The following RTEL1 variants were observed in gnomAD, a reference collection of about 807,000 sequenced individuals.
The protein encoded by RTEL1 is regulator of telomere length.
Under a neutral mutation model 162.2 loss-of-function variants are expected in RTEL1, and 86 were observed. The observed-to-expected ratio is 0.53, with a 90% CI of 0.45 to 0.63. RTEL1 has a LOEUF of 0.63. Ranked by LOEUF, RTEL1 falls within the 30% of genes least tolerant of loss-of-function variation. RTEL1 has a pLI of 0.00. For synonymous variants in RTEL1, 958 were observed against 717.9 expected, an observed-to-expected ratio of 1.33 and a Z score of -5.35; for missense variants, 1,941 against 1,750.2, an observed-to-expected ratio of 1.11 and a Z score of -1.95.
Position 63,695,603 on chromosome 20 carries a change from G to A in RTEL1, c.3775G>A (p.Ala1259Thr), listed in dbSNP as rs775764375. The A allele has an allele frequency of 5.6e-6, 9 of 1,611,814 alleles. No individual in the cohort carries two copies. Among genetic ancestry groups the A allele is most frequent in the Non-Finnish European group, 5.9e-6 (7 of 1,179,914 alleles). ...GGACGTGGTGCCCTTCCAGTGCCCT[G>A]CCTGTGACTTCCAGCGCTGCCAAGC... Reference protein sequence around the residue: ...AEDVVPFQCPACDFQRCQACW... With the variant: ...AEDVVPFQCPTCDFQRCQACW... The change falls in exon 34 of 35, where the codon GCC (alanine) becomes ACC (threonine). Residue 1259 changes from alanine to threonine, a missense_variant. Ala to Thr is a moderately conservative substitution (Grantham distance 58). Transcript: ENST00000360203.
chr20:63,660,146 A>G (rs759330281), intron 2 of RTEL1, among the ~76,000 whole-genome samples: 3 of 152,194 alleles, frequency 2.0e-5, no homozygotes, highest in Non-Finnish European at 4.4e-5. Flanking sequence ...CAAATGTACA[A>G]TCGGGTTTTA....
At chr20:63,666,394 G>A (rs979184389) in intron 7 of RTEL1, among the ~76,000 whole-genome samples, 145 of 152,382 alleles carry the variant, frequency 9.5e-4, no homozygotes, top group African/African-American at 3.3e-3. Flanking sequence ...TTTTCACTCA[G>A]CGTTGTGGGT....
chr20:63,680,419 G>A, intron 13 of RTEL1, among the ~76,000 whole-genome samples: 1 of 152,212 alleles, frequency 6.6e-6, no homozygotes, highest in Admixed American at 6.5e-5. Context: ...CGACCATAGA[G>A]CCTCTTTTCA....
At chr20:63,693,462 T>TCCACCA (rs1555813373) in intron 30 of RTEL1, among the ~76,000 whole-genome samples, 179 bp downstream of exon 30, 2 of 9,546 alleles carry the variant, frequency 2.1e-4, no homozygotes, top group African/African-American at 9.4e-4. Context: ...CACCTCCACC[T>TCCACCA]CCACCTCCAC....
rs1335585605 is a variant in RTEL1 at position 63,668,119 on chromosome 20, C to G, written c.699+566C>G. ...TGCCCAGCCCCACGCTCACTCCCCCCGCCAGCATGTGCCCGGCCCCACACT... is the reference window on the plus strand; with the variant it reads ...TGCCCAGCCCCACGCTCACTCCCCCGGCCAGCATGTGCCCGGCCCCACACT... On this transcript the variant is annotated intron_variant, in intron 8 of 34. Coordinates refer to ENST00000360203, the MANE Select transcript of RTEL1 (RefSeq NM_001283009.2). This position sits in a 1 kb window ranked among gnomAD's most constrained non-coding sequence, Gnocchi z 4.3. 7.0e-6 allele frequency among the ~76,000 whole-genome samples: 1 copy of G among 143,224 alleles called. No homozygotes were observed. The highest frequency in any genetic ancestry group is 2.3e-4 in the South Asian group (1 of 4,394). The allele number at this position is 143,224 out of a possible 152,430, so 94.0% of individuals were successfully genotyped here. A position where few individuals can be genotyped will look rare whatever the true frequency, so the allele number is the denominator to read the frequency against.
At position 63,690,159 on chromosome 20, in the gene RTEL1, T is replaced by C; in HGVS notation, c.2214T>C (p.Phe738=). The change falls in exon 25 of 35, where the codon TTT becomes TTC. Residue 738 remains phenylalanine, a synonymous_variant. Transcript: ENST00000360203. ...VRPHVRVYDN[F]GHVIRDVAQF... is the part of the protein sequence containing the mutation. ...CCCACGTCAGGGTGTATGACAACTT[T>C]GGCCATGTCATCCGAGACGTGGCCC... The C allele has an allele frequency of 1.2e-6, 2 of 1,612,584 alleles. No homozygotes were observed. The highest frequency in any genetic ancestry group is 8.5e-7 in the Non-Finnish European group (1 of 1,179,848).
In RTEL1 at chr20:63,671,786, C is replaced by T. The variant is rs1000415954; in HGVS notation, c.700-770C>T. Reference sequence around the variant, plus strand: ...GCTTGCAGGCGTGAGCCACCATGCCCGGCCAATGTGTGAAAATTTAAAAGT... The same window carrying T: ...GCTTGCAGGCGTGAGCCACCATGCCTGGCCAATGTGTGAAAATTTAAAAGT... On this transcript the variant is annotated intron_variant, in intron 8 of 34. Coordinates refer to ENST00000360203, the MANE Select transcript of RTEL1 (RefSeq NM_001283009.2). Among the ~76,000 whole-genome samples, 5 of 149,012 alleles carry T rather than the reference C, an allele frequency of 3.4e-5. No individual in the cohort carries two copies. The East Asian group carries it at 6.1e-4, about 18-fold the overall frequency.
chr20:63,690,925 C>T lies in RTEL1; in HGVS notation c.2534C>T (p.Ala845Val), dbSNP rs371852881. The T allele has an allele frequency of 1.4e-4, 218 of 1,556,056 alleles. No homozygotes were observed. The highest frequency in any genetic ancestry group is 2.1e-4 in the Middle Eastern group (1 of 4,668). The change falls in exon 27 of 35, where the codon GCG becomes GTG. Residue 845 changes from alanine to valine, a missense_variant. Coordinates refer to ENST00000360203, the MANE Select transcript of RTEL1 (RefSeq NM_001283009.2). ...LAALEHSEQR[A>V]GSPGEEQAHS... ...GCCCTGGAGCACAGCGAACAGCGGG[C>T]GGGGAGCCCTGGCGAGGAGCAGGTA...
At chr20:63,665,251 C>G (rs552049393) in intron 6 of RTEL1, 1 of 152,626 alleles carries the variant, frequency 6.6e-6, no homozygotes, top group Middle Eastern at 3.3e-3. Flanking sequence ...GGGGGAGGCC[C>G]CATTGCCCCA....
At chr20:63,690,982 C>T in intron 27 of RTEL1, 35 bp downstream of exon 27, 3 of 1,528,038 alleles carry the variant, frequency 2.0e-6, no homozygotes, top group South Asian at 2.4e-5. Context: ...GACACAGACC[C>T]TCTGTCTCCT....
chr20:63,659,761 A>G (rs990704977), intron 2 of RTEL1, among the ~76,000 whole-genome samples: 1 of 152,162 alleles, frequency 6.6e-6, no homozygotes, highest in African/African-American at 2.4e-5. Context: ...GAAAATGAAT[A>G]AGACACAGAG....
intron 13 of RTEL1, among the ~76,000 whole-genome samples, chr20:63,680,334 G>A (rs1004644682): frequency 5.3e-5 from 8 of 152,202 alleles, no homozygotes; most frequent in South Asian, 2.1e-4. Flanking sequence ...TTGAGACGCC[G>A]GGCCCAGCGG....
At chr20:63,673,096 CAAAAA>C (rs373458837) in intron 9 of RTEL1, among the ~76,000 whole-genome samples, 6 of 145,790 alleles carry the variant, frequency 4.1e-5, no homozygotes, top group African/African-American at 1.3e-4. Context: ...GATTCTGTGT[CAAAAA>C]AAAAAATGTT....
At chr20:63,691,626 A>T (rs1167264629) in intron 27 of RTEL1, 116 bp from the exon 28 acceptor site, 1 of 842,936 alleles carries the variant, frequency 1.2e-6, no homozygotes, top group Non-Finnish European at 1.9e-6. Flanking sequence ...CCCTCCCCCG[A>T]CCTCCATCTT....
chr20:63,681,103 T>G, intron 14 of RTEL1: 1 of 985,304 alleles, frequency 1.0e-6, no homozygotes, highest in Non-Finnish European at 1.2e-6. Flanking sequence ...CTGAACAGCT[T>G]CTCCAGGGAC....
chr20:63,668,479 G>C lies in RTEL1; in HGVS notation c.699+926G>C, dbSNP rs1388774916. Reference sequence around the variant, plus strand: ...GAGCTGATGATACTGAAGGGAAATAGAGCAGAGGGAGGAGGCGGAGACCGA... The same window carrying C: ...GAGCTGATGATACTGAAGGGAAATACAGCAGAGGGAGGAGGCGGAGACCGA... On this transcript the variant is annotated intron_variant, in intron 8 of 34. Transcript: ENST00000360203. The surrounding 1 kb of genome is among the most constrained non-coding windows in gnomAD (Gnocchi z 4.3). Among the ~76,000 whole-genome samples, 3 of 152,198 alleles carry C rather than the reference G, an allele frequency of 2.0e-5. No individual in the cohort carries two copies. Among genetic ancestry groups the C allele is most frequent in the African/African-American group, 7.2e-5 (3 of 41,442 alleles).
intron 30 of RTEL1, 94 bp downstream of exon 30, chr20:63,693,377 C>G (rs998195878): frequency 1.3e-6 from 2 of 1,481,854 alleles, no homozygotes. Context: ...TCCTCGGGCC[C>G]TGCTTGGCCC....
In RTEL1 at chr20:63,693,295, C is replaced by G; in HGVS notation, c.2992+12C>G. 1 of 1,611,264 alleles carries G rather than the reference C, an allele frequency of 6.2e-7. No homozygotes were observed. The highest frequency in any genetic ancestry group is 2.2e-5 in the East Asian group (1 of 44,876). On this transcript the variant is annotated intron_variant, in intron 30 of 34. Coordinates refer to ENST00000360203, the MANE Select transcript of RTEL1 (RefSeq NM_001283009.2). ...CCTGGACCCCACTGGTAAATGGGGCCCCAGGTGGGACCCTCAGACTCCTGC... is the reference window on the plus strand; with the variant it reads ...CCTGGACCCCACTGGTAAATGGGGCGCCAGGTGGGACCCTCAGACTCCTGC...
At chr20:63,670,496 A>G (rs117314802) in intron 8 of RTEL1, among the ~76,000 whole-genome samples, 3,387 of 141,670 alleles carry the variant, frequency 0.024, 348 homozygotes, top group Non-Finnish European at 0.038. Context: ...CAGCATCTCC[A>G]GTCATAGGAG....
Sources: gnomAD v4.1 joint callset for allele counts (sites outside exome capture counted in the v4.1 genomes callset) on GRCh38, gnomAD v4.1.1 for gene constraint, Gnocchi (gnomAD v3.1) non-coding constraint, MANE v1.5 for transcripts, NCBI Gene and HGNC (gene_info 2026-07-23, HGNC 2026-07-21) for gene names.